Variants in BICRAL observed in about 807,000 individuals in gnomAD.
The protein encoded by BICRAL is BRD4-interacting chromatin-remodeling complex-associated protein-like.
A neutral mutation model predicts 91.8 loss-of-function variants in BICRAL; 8 were observed. The observed-to-expected ratio is 0.09, with a 90% CI of 0.05 to 0.16. The LOEUF is 0.16. Ranked by LOEUF, BICRAL falls within the 10% of genes least tolerant of loss-of-function variation. The pLI, the probability that BICRAL is intolerant of heterozygous loss-of-function variation, is 1.00. For synonymous variants in BICRAL, 445 were observed against 491.1 expected, an observed-to-expected ratio of 0.91 and a Z score of 1.24; for missense variants, 1,038 against 1,310.9, an observed-to-expected ratio of 0.79 and a Z score of 3.21.
chr6:42,832,399 A>G (rs1764511585), intron 6 of BICRAL, among the ~76,000 whole-genome samples: 1 of 147,222 alleles, frequency 6.8e-6, no homozygotes, highest in Admixed American at 6.9e-5. Flanking sequence ...ATATATATAT[A>G]CATATATATG....
intron 1 of BICRAL, among the ~76,000 whole-genome samples, chr6:42,752,935 T>G (rs1456593354): frequency 2.2e-5 from 3 of 136,132 alleles, no homozygotes; most frequent in Non-Finnish European, 4.6e-5. Flanking sequence ...TTTTTTTTTT[T>G]GGTTGGGGGG....
At chr6:42,768,362 T>C (rs540353498) in intron 1 of BICRAL, among the ~76,000 whole-genome samples, 5 of 152,344 alleles carry the variant, frequency 3.3e-5, no homozygotes, top group African/African-American at 1.2e-4. Context: ...AGAGGACCTT[T>C]TACCCCATCG....
intron 1 of BICRAL, among the ~76,000 whole-genome samples, chr6:42,747,708 A>G (rs1384888555): frequency 1.3e-5 from 2 of 152,092 alleles, no homozygotes; most frequent in African/African-American, 4.8e-5. Flanking sequence ...GCCGAAAAAC[A>G]ATGGTGCTTA....
rs1240965636 is a variant in BICRAL, at chr6:42,866,365, T to C, written c.*919T>C. On this transcript the variant is annotated 3_prime_UTR_variant, in exon 13 of 13. Coordinates refer to ENST00000314073, the MANE Select transcript of BICRAL (RefSeq NM_001393499.1). Reference sequence around the variant, plus strand: ...GTTAACTATTGAGAAAAAACAAGTTTTGCATTTTATAATTGGATATAGTCA... The same window carrying C: ...GTTAACTATTGAGAAAAAACAAGTTCTGCATTTTATAATTGGATATAGTCA... The C allele has an allele frequency of 6.0e-6, 1 of 167,940 alleles. No individual in the cohort carries two copies. The highest frequency in any genetic ancestry group is 2.4e-5 in the African/African-American group (1 of 41,652). 10.4% of individuals were successfully genotyped at this position (167,940 alleles called of 1,614,324 possible). A position where few individuals can be genotyped will look rare whatever the true frequency, so the allele number is the denominator to read the frequency against.
chr6:42,821,389 G>A (rs1017927594), intron 2 of BICRAL, among the ~76,000 whole-genome samples: 4 of 152,170 alleles, frequency 2.6e-5, no homozygotes, highest in African/African-American at 9.6e-5. Flanking sequence ...TCTACTTTAA[G>A]GATTCTAGTG....
At chr6:42,864,048 T>C (rs1411418970) in intron 12 of BICRAL, among the ~76,000 whole-genome samples, 1 of 151,718 alleles carries the variant, frequency 6.6e-6, no homozygotes, top group African/African-American at 2.4e-5. Flanking sequence ...ATGCCTGTAA[T>C]CCCAGCTACT....
At position 42,868,074 on chromosome 6, in the gene BICRAL, T is replaced by C. The variant is rs1765766176; in HGVS notation, c.*2628T>C. ...CTCAGTAACAAAAATCATTTTCTTT[T>C]TTTTTTTTTTTTTCTGTTGTGGAAA... On this transcript the variant is annotated 3_prime_UTR_variant, in exon 13 of 13. Coordinates refer to ENST00000314073, the MANE Select transcript of BICRAL (RefSeq NM_001393499.1). The C allele has an allele frequency of 6.6e-6, 1 of 151,452 alleles. No individual in the cohort carries two copies. The highest frequency in any genetic ancestry group is 1.5e-5 in the Non-Finnish European group (1 of 67,676). 9.4% of individuals were successfully genotyped at this position (151,452 alleles called of 1,614,324 possible). A position where few individuals can be genotyped will look rare whatever the true frequency, so the allele number is the denominator to read the frequency against.
chr6:42,842,999 G>T (rs1010417771), intron 6 of BICRAL, among the ~76,000 whole-genome samples: 1 of 151,784 alleles, frequency 6.6e-6, no homozygotes, highest in East Asian at 1.9e-4. Context: ...GACTACAGGC[G>T]CCCACCATCA....
intron 3 of BICRAL, 70 bp from the exon 4 acceptor site, chr6:42,822,726 A>G: frequency 1.2e-6 from 1 of 820,454 alleles, no homozygotes; most frequent in Non-Finnish European, 2.0e-6. Context: ...CTACTCTAGT[A>G]AAAATTAGTT....
intron 1 of BICRAL, among the ~76,000 whole-genome samples, chr6:42,772,571 T>A (rs967298041): frequency 3.9e-5 from 6 of 152,176 alleles, no homozygotes; most frequent in Non-Finnish European, 8.8e-5. Flanking sequence ...CACTTGAAAG[T>A]ACATATACCA....
intron 6 of BICRAL, among the ~76,000 whole-genome samples, chr6:42,837,436 A>G (rs886764262): frequency 6.6e-5 from 10 of 151,890 alleles, no homozygotes; most frequent in Non-Finnish European, 1.5e-4. Context: ...TTTAATATAG[A>G]TAATACATTA....
chr6:42,760,424 A>AG (rs925310988), intron 1 of BICRAL, among the ~76,000 whole-genome samples: 1 of 151,728 alleles, frequency 6.6e-6, no homozygotes, highest in Non-Finnish European at 1.5e-5. Context: ...AAAGGAGTCC[A>AG]GGGGCAAGGG....
intron 1 of BICRAL, among the ~76,000 whole-genome samples, chr6:42,806,513 A>ATTTT (rs758423036): frequency 7.1e-6 from 1 of 140,216 alleles, no homozygotes; most frequent in Admixed American, 7.2e-5. Flanking sequence ...CACCCAGCTA[A>ATTTT]TTTTTTTTTT....
chr6:42,833,115 G>GC (rs1764542968), intron 6 of BICRAL, among the ~76,000 whole-genome samples: 2 of 150,750 alleles, frequency 1.3e-5, no homozygotes, highest in Admixed American at 1.3e-4. Context: ...GAGTGCAGTA[G>GC]CCCGATCTCA....
At chr6:42,859,349 G>A (rs149974957) in intron 10 of BICRAL, among the ~76,000 whole-genome samples, 229 of 151,054 alleles carry the variant, frequency 1.5e-3, no homozygotes, top group African/African-American at 3.7e-3. Context: ...CTGAGATTGC[G>A]CCACTGCACT....
intron 10 of BICRAL, among the ~76,000 whole-genome samples, chr6:42,857,614 A>AAAAAAATATATATATAT: frequency 1.0e-5 from 1 of 96,242 alleles, no homozygotes; most frequent in African/African-American, 6.5e-5. Flanking sequence ...AAAAAAAAAA[A>AAAAAAATATATATATAT]ATATATATAT....
intron 6 of BICRAL, among the ~76,000 whole-genome samples, chr6:42,832,260 A>G (rs1764505594): frequency 6.6e-6 from 1 of 151,386 alleles, no homozygotes; most frequent in South Asian, 2.1e-4. Flanking sequence ...AGGCAGGAGA[A>G]TCACTTGGAC....
At position 42,834,775 on chromosome 6, in the gene BICRAL, A is replaced by G. The variant is rs1764593280; in HGVS notation, c.1839+4603A>G. Among the ~76,000 whole-genome samples, 3 of 152,210 alleles carry G rather than the reference A, an allele frequency of 2.0e-5. No homozygotes were observed. The South Asian group carries it at 6.2e-4, about 32-fold the overall frequency. ...GACATGTTTCCATCATGCTTTGAGC[A>G]CTTCCTTCAATTTCTGGCAAAACAA... On this transcript the variant is annotated intron_variant, in intron 6 of 12. Transcript: ENST00000314073.
At chr6:42,837,346 A>C (rs575942948) in intron 6 of BICRAL, among the ~76,000 whole-genome samples, 2 of 152,296 alleles carry the variant, frequency 1.3e-5, no homozygotes, top group East Asian at 3.9e-4. Flanking sequence ...ATTTGTAGAA[A>C]TGTAATTCAG....
Sources: allele counts gnomAD v4.1 joint callset (sites outside exome capture counted in the v4.1 genomes callset), GRCh38; gene constraint gnomAD v4.1.1; transcripts MANE v1.5; gene names NCBI Gene and HGNC (gene_info 2026-07-23, HGNC 2026-07-21).